TASOR: variants seen among roughly 807,000 people sequenced by gnomAD.
TASOR encodes protein TASOR.
TASOR carries 53 observed loss-of-function variants against 178.6 expected under a neutral mutation model. The observed-to-expected ratio is 0.30, with a 90% CI of 0.24 to 0.37. The LOEUF is 0.37. Ranked by LOEUF, TASOR falls within the 10% of genes least tolerant of loss-of-function variation. The pLI is 1.00. For synonymous variants in TASOR, 713 were observed against 696.2 expected, an observed-to-expected ratio of 1.02 and a Z score of -0.38; for missense variants, 1,815 against 1,971.4, an observed-to-expected ratio of 0.92 and a Z score of 1.50.
rs1279602490 is a variant in TASOR at position 56,627,082 on chromosome 3, C to T, written c.4094G>A (p.Trp1365Ter). 6.2e-7 allele frequency: 1 copy of T among 1,613,118 alleles called. No individual in the cohort carries two copies. Residue 1365 changes from tryptophan (W) to a stop codon, truncating the protein, a stop_gained, in exon 21 of 24, where the codon TGG becomes TAG. Transcript: ENST00000683822. LOFTEE classifies it high-confidence loss of function. ...CTTCTGAAATTTACAGTGGACTTTC[C>T]ATTGCCATTTTCCTTCTGGAGTACT... Reference protein sequence around the residue: ...ELSTPEGKWQWKVHCKFQKKL... With the variant: ...ELSTPEGKWQ
intron 11 of TASOR, among the ~76,000 whole-genome samples, chr3:56,651,578 T>C (rs2077352909): frequency 6.6e-6 from 1 of 152,034 alleles, no homozygotes; most frequent in Non-Finnish European, 1.5e-5. Context: ...CATATGCCTA[T>C]AGTCCTGGCT....
intron 21 of TASOR, among the ~76,000 whole-genome samples, chr3:56,625,939 A>G (rs1051871113): frequency 1.1e-4 from 16 of 152,270 alleles, no homozygotes; most frequent in African/African-American, 2.2e-4. Flanking sequence ...AGCTGTTTCT[A>G]TATTGCAAGG....
rs1364679001 is a variant in TASOR at position 56,621,270 on chromosome 3, T to TTAC, written c.*1764_*1766dup. ...ACTGGGGGAGAAGGGATGACTTCAT[T>TTAC]TACCCCCATAGTTATGGAGTCTTGA... is the stretch of plus-strand genomic sequence containing the variant. On this transcript the variant is annotated 3_prime_UTR_variant, in exon 24 of 24. Transcript: ENST00000683822. The TTAC allele has an allele frequency of 3.7e-6, 1 of 272,122 alleles. No individual in the cohort carries two copies. Among genetic ancestry groups the TTAC allele is most frequent in the African/African-American group, 2.2e-5 (1 of 45,288 alleles). 16.9% of individuals were successfully genotyped at this position (272,122 alleles called of 1,614,324 possible).
intron 21 of TASOR, among the ~76,000 whole-genome samples, chr3:56,625,668 CT>C (rs2076781713): frequency 6.6e-6 from 1 of 151,990 alleles, no homozygotes; most frequent in Non-Finnish European, 1.5e-5. Context: ...ATTAAATACA[CT>C]ATTATGGCTC....
At chr3:56,624,767 T>C (rs2076762167) in intron 22 of TASOR, 61 bp downstream of exon 22, 2 of 1,575,540 alleles carry the variant, frequency 1.3e-6, no homozygotes, top group African/African-American at 1.4e-5. Flanking sequence ...CACAGCCCCA[T>C]AAAATCCTTT....
intron 18 of TASOR, among the ~76,000 whole-genome samples, chr3:56,631,570 GTC>G (rs2076912546): frequency 7.0e-6 from 1 of 143,168 alleles, no homozygotes; most frequent in African/African-American, 2.6e-5. Context: ...GTGTGTGTGT[GTC>G]TGTGTTTTTT....
chr3:56,675,118 C>T (rs1441682927), intron 1 of TASOR, among the ~76,000 whole-genome samples: 1 of 151,908 alleles, frequency 6.6e-6, no homozygotes, highest in South Asian at 2.1e-4. Context: ...GCCACCGTGC[C>T]CAGCCAGGAC....
intron 1 of TASOR, among the ~76,000 whole-genome samples, chr3:56,677,160 A>C (rs780351134): frequency 2.6e-5 from 4 of 152,222 alleles, no homozygotes; most frequent in Non-Finnish European, 5.9e-5. Context: ...GTCATTTAAC[A>C]CTACATGTAT....
At chr3:56,643,861 A>G (rs1468509683) in intron 14 of TASOR, among the ~76,000 whole-genome samples, 1 of 152,208 alleles carries the variant, frequency 6.6e-6, no homozygotes, top group Non-Finnish European at 1.5e-5. Context: ...AGAAACACCT[A>G]AAAATGCAAG....
At position 56,623,226 on chromosome 3, in the gene TASOR, A is replaced by G. The variant is rs200145322; in HGVS notation, c.4824T>C (p.Phe1608=). 4 of 1,613,460 alleles carry G rather than the reference A, an allele frequency of 2.5e-6. No individual in the cohort carries two copies. The East Asian group carries it at 8.9e-5, about 36-fold the overall frequency. ...GATGAGTGAGAACATTAAAATGACT[A>G]AACTGATGGGACATATTTAATTGAC... ...YHSQLNMSHQ[F]SHFNVLTHQT... is the part of the protein sequence containing the mutation. The change falls in exon 24 of 24, where the codon TTT becomes TTC. Residue 1608 remains phenylalanine (F), a synonymous_variant. Coordinates refer to ENST00000683822, the MANE Select transcript of TASOR (RefSeq NM_001365635.2).
At chr3:56,661,614 G>C (rs1010122048) in intron 9 of TASOR, among the ~76,000 whole-genome samples, 6 of 152,036 alleles carry the variant, frequency 3.9e-5, no homozygotes, top group African/African-American at 1.2e-4. Flanking sequence ...TGTTTATAAA[G>C]GCCCACAATG....
rs2076697480 is a variant in TASOR at position 56,622,165 on chromosome 3, C to T, written c.*872G>A. 6.6e-6 allele frequency: 1 copy of T among 152,164 alleles called. No individual in the cohort carries two copies. Among genetic ancestry groups the T allele is most frequent in the Non-Finnish European group, 1.5e-5 (1 of 68,052 alleles). The allele number at this position is 152,164 out of a possible 1,614,324, so 9.4% of individuals were successfully genotyped here. ...TTTCAAAAACATTTTTAAAAGTTAGCATTAGTAACAAGTTAGTAATTAGTA... is the reference window on the plus strand; with the variant it reads ...TTTCAAAAACATTTTTAAAAGTTAGTATTAGTAACAAGTTAGTAATTAGTA... On this transcript the variant is annotated 3_prime_UTR_variant, in exon 24 of 24. Transcript: ENST00000683822.
chr3:56,625,578 C>G lies in TASOR; in HGVS notation c.4140-572G>C, dbSNP rs368492332. Among the ~76,000 whole-genome samples the G allele has an allele frequency of 6.6e-5, 10 of 152,310 alleles. No individual in the cohort carries two copies. In the East Asian group the frequency reaches 1.4e-3, roughly 21 times the overall value. ...AGAAGAATCACTTGAACCCAGGAGG[C>G]AGAGGTTGCAGTGAGCTGAGACTGC... On this transcript the variant is annotated intron_variant, in intron 21 of 23. Transcript: ENST00000683822.
At chr3:56,680,573 A>T (rs200361568) in intron 1 of TASOR, among the ~76,000 whole-genome samples, 9 of 151,814 alleles carry the variant, frequency 5.9e-5, no homozygotes, top group East Asian at 3.9e-4. Flanking sequence ...CTGTTTTTGA[A>T]TTTTTTTAAT....
At chr3:56,623,864 A>G (rs1429619369) in intron 23 of TASOR, 1 of 1,535,948 alleles carries the variant, frequency 6.5e-7, no homozygotes. Flanking sequence ...ACGGTAATTC[A>G]GTATTTGACA....
Position 56,633,476 on chromosome 3 carries a change from G to T in TASOR, c.3315C>A (p.Asn1105Lys). The T allele has an allele frequency of 2.5e-6, 4 of 1,614,138 alleles. No individual in the cohort carries two copies. Among genetic ancestry groups the T allele is most frequent in the Non-Finnish European group, 3.4e-6 (4 of 1,180,024 alleles). The change falls in exon 18 of 24, where the codon AAC becomes AAA. Residue 1105 changes from asparagine (N) to lysine (K), a missense_variant. By Grantham distance (94) the Asn-to-Lys change is moderately conservative. This residue lies in a region of TASOR where 655 missense variants were observed against 671.1 expected (regional missense o/e 0.98). Transcript: ENST00000683822. Reference sequence around the variant, plus strand: ...TCGATGCTATCTTAGCACCAGAATCGTTAGGACTGACTGGTGGCAAATTCC... The same window carrying T: ...TCGATGCTATCTTAGCACCAGAATCTTTAGGACTGACTGGTGGCAAATTCC... ...KGGNLPPVSP[N>K]DSGAKIASNP...
In TASOR at chr3:56,648,902, C is replaced by A. The variant is rs1408117783; in HGVS notation, c.1442-9G>T. ...CTTGGCAGTCTGATATTCTAAAAAACAGAAGCCAAACTCATTAGCAATGTG... is the reference window on the plus strand; with the variant it reads ...CTTGGCAGTCTGATATTCTAAAAAAAAGAAGCCAAACTCATTAGCAATGTG... On this transcript the variant is annotated splice_polypyrimidine_tract_variant and intron_variant, in intron 12 of 23. Transcript: ENST00000683822. The A allele has an allele frequency of 6.2e-7, 1 of 1,609,616 alleles. No individual in the cohort carries two copies. The highest frequency in any genetic ancestry group is 8.5e-7 in the Non-Finnish European group (1 of 1,178,532).
chr3:56,679,751 C>T (rs2031629941), intron 1 of TASOR, among the ~76,000 whole-genome samples: 1 of 152,088 alleles, frequency 6.6e-6, no homozygotes, highest in Admixed American at 6.5e-5. Context: ...AATGCAATTA[C>T]CAATTTTAAT....
In TASOR at chr3:56,682,863, G is replaced by A. The variant is rs955816938; in HGVS notation, c.144C>T (p.Ile48=). The A allele has an allele frequency of 2.2e-5, 34 of 1,549,748 alleles. No individual in the cohort carries two copies. Among genetic ancestry groups the A allele is most frequent in the Admixed American group, 7.9e-5 (4 of 50,952 alleles). The part of the protein sequence containing the change: ...QQNGGGGGLN[I]AEPSGGAGRE... Reference sequence around the variant, plus strand: ...GCCCAGCGCCGCCGCTGGGCTCAGCGATGTTGAGGCCGCCGCCGCCGCCAT... The same window carrying A: ...GCCCAGCGCCGCCGCTGGGCTCAGCAATGTTGAGGCCGCCGCCGCCGCCAT... The change falls in exon 1 of 24, where the codon ATC becomes ATT. Residue 48 remains isoleucine (I), a synonymous_variant. Transcript: ENST00000683822.
Sources: gnomAD v4.1 joint callset for allele counts (sites outside exome capture counted in the v4.1 genomes callset) on GRCh38, gnomAD v4.1.1 for gene constraint, gnomAD v4.1.1 regional missense constraint, MANE v1.5 for transcripts, NCBI Gene and HGNC (gene_info 2026-07-23, HGNC 2026-07-21) for gene names.